CDKAL1: variants seen among roughly 807,000 people sequenced by gnomAD.
CDKAL1 encodes the protein threonylcarbamoyladenosine tRNA methylthiotransferase.
Under a neutral mutation model 68.2 loss-of-function variants are expected in CDKAL1, and 32 were observed. The observed-to-expected ratio is 0.47, with a 90% CI of 0.35 to 0.63. The LOEUF (loss-of-function observed/expected upper bound fraction) is 0.63. Among genes scored for constraint, CDKAL1 ranks in the 30% least tolerant of loss-of-function variants. The pLI, the probability that CDKAL1 is intolerant of heterozygous loss-of-function variation, is 0.00. For synonymous variants in CDKAL1, 234 were observed against 244.3 expected (o/e 0.96, Z 0.39); for missense variants, 606 against 696.7 (o/e 0.87, Z 1.47).
chr6:20,753,306 C>T (rs1395456981), intron 6 of CDKAL1, among the ~76,000 whole-genome samples: 5 of 150,466 alleles, frequency 3.3e-5, no homozygotes. Flanking sequence ...AACCATACTT[C>T]ATTCCCTTTT....
chr6:20,546,397 T>C lies in CDKAL1; in HGVS notation c.47T>C (p.Ile16Thr). 11 of 1,614,006 alleles carry C rather than the reference T, an allele frequency of 6.8e-6. No individual in the cohort carries two copies. The highest frequency in any genetic ancestry group is 2.2e-5 in the East Asian group (1 of 44,860). Residue 16 changes from isoleucine (I) to threonine (T), a missense_variant, in exon 3 of 16, where the codon ATC becomes ACC. By Grantham distance (89) the Ile-to-Thr change is moderately conservative. Transcript: ENST00000274695. ...CDTLLDDIEDIVSQEDSKPQD... is the reference protein window; with the variant it reads ...CDTLLDDIEDTVSQEDSKPQD... Reference sequence around the variant, plus strand: ...ACACTACTGGATGACATCGAAGATATCGTGTCTCAGGAAGATTCAAAACCA... The same window carrying C: ...ACACTACTGGATGACATCGAAGATACCGTGTCTCAGGAAGATTCAAAACCA...
intron 6 of CDKAL1, among the ~76,000 whole-genome samples, chr6:20,754,405 G>A (rs1361198976): frequency 6.6e-6 from 1 of 152,086 alleles, no homozygotes; most frequent in Non-Finnish European, 1.5e-5. Flanking sequence ...TAACTGATGT[G>A]GAGTACATTT....
At chr6:21,182,550 C>G (rs1400918080) in intron 13 of CDKAL1, among the ~76,000 whole-genome samples, 4 of 152,130 alleles carry the variant, frequency 2.6e-5, no homozygotes, top group Non-Finnish European at 5.9e-5. Flanking sequence ...GTGTATGGTT[C>G]TTAAACTTCA....
chr6:20,825,309 A>G (rs1161301853), intron 8 of CDKAL1, among the ~76,000 whole-genome samples: 1 of 147,486 alleles, frequency 6.8e-6, no homozygotes, highest in East Asian at 2.1e-4. Context: ...AAATGACATA[A>G]TAATTTTGAA....
At chr6:21,005,695 A>G (rs1767687298) in intron 11 of CDKAL1, among the ~76,000 whole-genome samples, 1 of 152,134 alleles carries the variant, frequency 6.6e-6, no homozygotes, top group South Asian at 2.1e-4. Flanking sequence ...AGAATTTGCC[A>G]TTATCATTTC....
At chr6:20,773,856 T>G (rs866467979) in intron 7 of CDKAL1, among the ~76,000 whole-genome samples, 14 of 152,174 alleles carry the variant, frequency 9.2e-5, no homozygotes, top group African/African-American at 3.1e-4. Context: ...CATTTATTCA[T>G]TTTTTAAAAA....
intron 5 of CDKAL1, among the ~76,000 whole-genome samples, chr6:20,732,031 T>C (rs1772955967): frequency 6.6e-6 from 1 of 150,936 alleles, no homozygotes; most frequent in African/African-American, 2.4e-5. Flanking sequence ...TCTCTTTTTT[T>C]AAACATTATT....
chr6:20,707,647 C>T (rs1562041594), intron 5 of CDKAL1, among the ~76,000 whole-genome samples: 2 of 152,156 alleles, frequency 1.3e-5, no homozygotes, highest in Admixed American at 6.5e-5. Context: ...AGTCATTTTA[C>T]TTACAAGGCA....
chr6:20,935,785 G>T (rs1266932324), intron 9 of CDKAL1, among the ~76,000 whole-genome samples: 2 of 152,142 alleles, frequency 1.3e-5, no homozygotes, highest in East Asian at 3.9e-4. Flanking sequence ...GCCCAGGCTG[G>T]TCTACAACTC....
chr6:20,960,714 A>G (rs1231610009), intron 10 of CDKAL1, among the ~76,000 whole-genome samples: 1 of 152,212 alleles, frequency 6.6e-6, no homozygotes, highest in Non-Finnish European at 1.5e-5. Context: ...AAGTACCTTC[A>G]TATCTGCTGA....
intron 4 of CDKAL1, among the ~76,000 whole-genome samples, chr6:20,594,373 G>A (rs768975634): frequency 6.6e-5 from 10 of 152,082 alleles, no homozygotes; most frequent in Non-Finnish European, 1.2e-4. Flanking sequence ...TATTGGGTGT[G>A]TATACATCTA....
intron 12 of CDKAL1, among the ~76,000 whole-genome samples, chr6:21,102,023 T>G (rs115434837): frequency 3.2e-4 from 48 of 152,302 alleles, no homozygotes; most frequent in Non-Finnish European, 6.3e-4. Context: ...CACTTGAGCT[T>G]TATCTTTAAC....
intron 10 of CDKAL1, among the ~76,000 whole-genome samples, chr6:20,966,772 T>G (rs957809502): frequency 6.6e-6 from 1 of 152,238 alleles, no homozygotes; most frequent in Non-Finnish European, 1.5e-5. Flanking sequence ...TCAGCTTTTA[T>G]TTTGCAATGT....
chr6:20,708,826 C>T (rs1771719191), intron 5 of CDKAL1, among the ~76,000 whole-genome samples: 1 of 152,050 alleles, frequency 6.6e-6, no homozygotes, highest in Non-Finnish European at 1.5e-5. Flanking sequence ...TGTGTTTCAG[C>T]CTTTTTCTTC....
intron 10 of CDKAL1, among the ~76,000 whole-genome samples, chr6:20,998,473 G>A (rs567456077): frequency 4.6e-5 from 7 of 152,262 alleles, no homozygotes; most frequent in African/African-American, 1.2e-4. Flanking sequence ...TTAGCTGGGC[G>A]TGGTGGCACA....
At position 20,687,539 on chromosome 6, in the gene CDKAL1, ATATTT is replaced by A. The variant is rs542570404; in HGVS notation, c.371+38174_371+38178del. ...TCTTTTTTTCTTTTCTTTGTTTTTC[ATATTT>A]TATTTTATTTTGTTTTTTGAGGTGG... On this transcript the variant is annotated intron_variant, in intron 5 of 15. Coordinates refer to ENST00000274695, the MANE Select transcript of CDKAL1 (RefSeq NM_017774.3). Among the ~76,000 whole-genome samples, 525 of 151,438 alleles carry A rather than the reference ATATTT, an allele frequency of 3.5e-3. 7 individuals are homozygous for A. Among genetic ancestry groups the A allele is most frequent in the African/African-American group, 0.012 (496 of 41,292 alleles).
At chr6:21,203,691 CTT>C (rs915087377) in intron 15 of CDKAL1, among the ~76,000 whole-genome samples, 252 of 94,058 alleles carry the variant, frequency 2.7e-3, no homozygotes, top group African/African-American at 8.3e-3. Context: ...CACTTGACCT[CTT>C]TTTTTTTTTT....
At chr6:21,079,976 C>CTCTCTGTGTGTGTGTGTGTGTGTG (rs1554171489) in intron 12 of CDKAL1, among the ~76,000 whole-genome samples, 19 of 135,842 alleles carry the variant, frequency 1.4e-4, no homozygotes, top group African/African-American at 5.0e-4. Context: ...AACTTTGTCT[C>CTCTCTGTGTGTGTGTGTGTGTGTG]TGTGTGTGTG....
chr6:21,180,271 T>C (rs1016639330), intron 13 of CDKAL1, among the ~76,000 whole-genome samples: 7 of 152,164 alleles, frequency 4.6e-5, no homozygotes, highest in African/African-American at 1.4e-4. Context: ...ATCTGATGCT[T>C]GAACTTTCTT....
Sources: allele counts gnomAD v4.1 joint callset (sites outside exome capture counted in the v4.1 genomes callset), GRCh38; gene constraint gnomAD v4.1.1; transcripts MANE v1.5; gene names NCBI Gene and HGNC (gene_info 2026-07-23, HGNC 2026-07-21).